Variants in USH2A observed in about 807,000 individuals in gnomAD.
USH2A encodes Usher syndrome 2A (autosomal recessive, mild).
A neutral mutation model predicts 538.9 loss-of-function variants in USH2A; 443 were observed. The ratio of observed to expected loss-of-function variants is 0.82; its 90% confidence interval spans 0.76 to 0.89. The LOEUF is 0.89. USH2A is among the 40% of genes least tolerant of loss of function. The probability of loss-of-function intolerance (pLI) is 0.00; values close to 1 mark genes in which losing one functional copy is unlikely to be tolerated. For missense variants in USH2A, 6,633 were observed against 6,324.8 expected, an observed-to-expected ratio of 1.05 and a Z score of -1.65; for synonymous variants, 2,413 against 2,273.5, an observed-to-expected ratio of 1.06 and a Z score of -1.75.
At chr1:216,404,987 A>T (rs2039369354) in intron 3 of USH2A, among the ~76,000 whole-genome samples, 2 of 151,596 alleles carry the variant, frequency 1.3e-5, no homozygotes, top group Admixed American at 1.3e-4. Flanking sequence ...TGATTCTCCC[A>T]CCTCAGCCTC....
intron 21 of USH2A, among the ~76,000 whole-genome samples, chr1:216,162,510 T>G (rs1049351445): frequency 2.1e-4 from 32 of 152,228 alleles, no homozygotes; most frequent in African/African-American, 7.5e-4. Context: ...GGATGACGCA[T>G]AGTAAAACCT....
At chr1:216,410,897 C>T (rs2039478309) in intron 3 of USH2A, among the ~76,000 whole-genome samples, 1 of 152,136 alleles carries the variant, frequency 6.6e-6, no homozygotes, top group Non-Finnish European at 1.5e-5. Flanking sequence ...GTAACACTTA[C>T]ATCTGACTTG....
In USH2A at chr1:215,660,508, C is replaced by G. The variant is rs146073967; in HGVS notation, c.14134-9707G>C. 2.2e-3 allele frequency among the ~76,000 whole-genome samples: 339 copies of G among 152,220 alleles called. 2 individuals are homozygous for G. The highest frequency in any genetic ancestry group is 3.4e-3 in the Middle Eastern group (1 of 294). ...ACTCCCCACAGCATTTGGAATTTAG[C>G]CCACACCTCCCTGTGTATCTTTCTT... is the stretch of plus-strand genomic sequence containing the variant. On this transcript the variant is annotated intron_variant, in intron 64 of 71. Coordinates refer to ENST00000307340, the MANE Select transcript of USH2A (RefSeq NM_206933.4).
intron 17 of USH2A, 33 bp downstream of exon 17, chr1:216,199,594 C>T (rs2034933909): frequency 6.2e-7 from 1 of 1,613,122 alleles, no homozygotes; most frequent in South Asian, 1.1e-5. Context: ...CATGTCTTGA[C>T]CAAAAAGGGG....
At chr1:216,087,879 T>G (rs1571951121) in intron 23 of USH2A, among the ~76,000 whole-genome samples, 1 of 152,296 alleles carries the variant, frequency 6.6e-6, no homozygotes, top group East Asian at 1.9e-4. Flanking sequence ...CCCCTTAAAA[T>G]TTATTCTCAA....
rs771913000 is a variant in USH2A at position 215,674,754 on chromosome 1, A to G, written c.13157T>C (p.Ile4386Thr). 1 of 1,614,146 alleles carries G rather than the reference A, an allele frequency of 6.2e-7. No individual in the cohort carries two copies. Among genetic ancestry groups the G allele is most frequent in the African/African-American group, 1.3e-5 (1 of 75,042 alleles). Residue 4386 changes from isoleucine to threonine, a missense_variant, in exon 63 of 72, where the codon ATT becomes ACT. Coordinates refer to ENST00000307340, the MANE Select transcript of USH2A (RefSeq NM_206933.4). Reference sequence around the variant, plus strand: ...ATCATATCTAACTAAATATTTAGTAATCTTTCCATTTTGCACTGTGGGCGG... The same window carrying G: ...ATCATATCTAACTAAATATTTAGTAGTCTTTCCATTTTGCACTGTGGGCGG... ...WSPPTVQNGKITKYLVRYDNK... is the reference protein window; with the variant it reads ...WSPPTVQNGKTTKYLVRYDNK...
intron 43 of USH2A, among the ~76,000 whole-genome samples, chr1:215,870,460 T>C (rs1213382851): frequency 2.9e-5 from 4 of 137,340 alleles, no homozygotes; most frequent in African/African-American, 1.0e-4. Context: ...ACTCCTAGCT[T>C]TTTTTTTTTT....
chr1:215,761,122 C>T (rs898121838), intron 56 of USH2A, among the ~76,000 whole-genome samples: 1 of 152,160 alleles, frequency 6.6e-6, no homozygotes, highest in Non-Finnish European at 1.5e-5. Context: ...TTATTTCCTA[C>T]ACCTGGGCTT....
chr1:215,780,681 A>G (rs956134778), intron 54 of USH2A, among the ~76,000 whole-genome samples: 10 of 152,260 alleles, frequency 6.6e-5, no homozygotes, highest in Non-Finnish European at 1.5e-5. Context: ...TTCACTTTGT[A>G]AACAATTGCT....
rs1558135160 is a variant in USH2A, at chr1:215,867,132, C to CTGT, written c.8717_8719dup (p.Asn2906dup). ...TTCTCGGCTCGGTGTAAAACCCACA[C>CTGT]TGTTGTGTACGAAGAGCATATATTC... is the stretch of plus-strand genomic sequence containing the variant. On this transcript the variant is annotated inframe_insertion, in exon 44 of 72. Coordinates refer to ENST00000307340, the MANE Select transcript of USH2A (RefSeq NM_206933.4). 1 of 1,614,086 alleles carries CTGT rather than the reference C, an allele frequency of 6.2e-7. No individual in the cohort carries two copies. Among genetic ancestry groups the CTGT allele is most frequent in the East Asian group, 2.2e-5 (1 of 44,870 alleles).
intron 32 of USH2A, among the ~76,000 whole-genome samples, chr1:216,034,526 G>A (rs1669198635): frequency 6.6e-6 from 1 of 152,162 alleles, no homozygotes; most frequent in Non-Finnish European, 1.5e-5. Context: ...ATGAAGTTAA[G>A]TTGAGGTCAT....
At chr1:216,276,599 C>T (rs537257336) in intron 11 of USH2A, among the ~76,000 whole-genome samples, 8 of 152,074 alleles carry the variant, frequency 5.3e-5, no homozygotes, top group South Asian at 2.1e-4. Context: ...TGTTTTCACG[C>T]TGGTGATAAA....
chr1:216,179,364 A>C (rs1463233664), intron 20 of USH2A, among the ~76,000 whole-genome samples: 1 of 152,132 alleles, frequency 6.6e-6, no homozygotes, highest in Non-Finnish European at 1.5e-5. Flanking sequence ...AGTCCATTAA[A>C]GTTAATGTTT....
chr1:216,047,942 T>C (rs1330409055), intron 31 of USH2A, among the ~76,000 whole-genome samples: 1 of 152,232 alleles, frequency 6.6e-6, no homozygotes, highest in Non-Finnish European at 1.5e-5. Flanking sequence ...CACTGCCTTC[T>C]TAACATATGC....
intron 52 of USH2A, 47 bp downstream of exon 52, chr1:215,786,623 C>T (rs1205689293): frequency 6.2e-7 from 1 of 1,601,666 alleles, no homozygotes; most frequent in African/African-American, 1.3e-5. Context: ...TCAGCAGCTT[C>T]TCACTAACCC....
At chr1:215,846,106 G>T in intron 44 of USH2A, 73 bp from the exon 45 acceptor site, 1 of 1,434,930 alleles carries the variant, frequency 7.0e-7, no homozygotes. Flanking sequence ...TCTATCATTA[G>T]CTTTCTAGAA....
intron 21 of USH2A, among the ~76,000 whole-genome samples, chr1:216,157,851 G>A (rs989361510): frequency 6.6e-6 from 1 of 152,112 alleles, no homozygotes; most frequent in Non-Finnish European, 1.5e-5. Flanking sequence ...TGGATACCAC[G>A]CTCACTACTT....
intron 21 of USH2A, among the ~76,000 whole-genome samples, chr1:216,146,724 T>C (rs1158734784): frequency 6.6e-6 from 1 of 152,038 alleles, no homozygotes; most frequent in Non-Finnish European, 1.5e-5. Context: ...CCTCTCTGCT[T>C]TTCTGGAGGG....
chr1:215,671,320 G>A (rs756211294), intron 63 of USH2A, 27 bp from the exon 64 acceptor site: 2 of 1,610,962 alleles, frequency 1.2e-6, no homozygotes, highest in South Asian at 2.2e-5. Context: ...AGAAATTAGT[G>A]ATTTTCAGCA....
Sources: allele counts gnomAD v4.1 joint callset (sites outside exome capture counted in the v4.1 genomes callset), GRCh38; gene constraint gnomAD v4.1.1; transcripts MANE v1.5; gene names NCBI Gene and HGNC (gene_info 2026-07-23, HGNC 2026-07-21).